ARHGEF10L: variants seen among roughly 807,000 people sequenced by gnomAD.
ARHGEF10L encodes rho guanine nucleotide exchange factor 10-like protein.
Under a neutral mutation model 141.2 loss-of-function variants are expected in ARHGEF10L, and 69 were observed. The observed-to-expected ratio is 0.49, with a 90% confidence interval of 0.40 to 0.60. The LOEUF (loss-of-function observed/expected upper bound fraction) is 0.60. ARHGEF10L is among the 20% of genes least tolerant of loss of function. The pLI, the probability that ARHGEF10L is intolerant of heterozygous loss-of-function variation, is 0.00. For missense variants in ARHGEF10L, 1,482 were observed against 1,734.3 expected (o/e 0.85, Z 2.58); for synonymous variants, 711 against 718.5 (o/e 0.99, Z 0.17).
chr1:17,548,725 T>C (rs1382592391), intron 1 of ARHGEF10L, among the ~76,000 whole-genome samples: 1 of 145,902 alleles, frequency 6.9e-6, no homozygotes, highest in Non-Finnish European at 1.5e-5. Flanking sequence ...CTTGGCTCAC[T>C]GCATCCTCTG....
At chr1:17,592,034 G>A (rs1277945943) in intron 4 of ARHGEF10L, among the ~76,000 whole-genome samples, 1 of 152,214 alleles carries the variant, frequency 6.6e-6, no homozygotes, top group African/African-American at 2.4e-5. Flanking sequence ...GAGGCCCACA[G>A]GGTTTGCTTC....
Position 17,654,740 on chromosome 1 carries a change from C to A in ARHGEF10L, c.2481+18C>A. 1 of 1,610,082 alleles carries A rather than the reference C, an allele frequency of 6.2e-7. No individual in the cohort carries two copies. Among genetic ancestry groups the A allele is most frequent in the Non-Finnish European group, 8.5e-7 (1 of 1,177,018 alleles). On this transcript the variant is annotated intron_variant, in intron 23 of 28. Transcript: ENST00000361221. This position sits in a 1 kb window ranked among gnomAD's most constrained non-coding sequence, Gnocchi z 4.3. ...ACCTCTGGGTGAGTCACCCCCCTGC[C>A]CAGCTGGGCATTCTGGCCTCAGGAC...
intron 21 of ARHGEF10L, 120 bp downstream of exon 21, chr1:17,640,422 T>A: frequency 1.2e-6 from 1 of 818,148 alleles, no homozygotes; most frequent in Non-Finnish European, 1.9e-6. Context: ...GGCTTCTGAG[T>A]GGGAGGGAGG....
intron 18 of ARHGEF10L, among the ~76,000 whole-genome samples, chr1:17,636,481 G>A (rs2061009150): frequency 6.6e-6 from 1 of 152,224 alleles, no homozygotes; most frequent in Non-Finnish European, 1.5e-5. Flanking sequence ...GGATGATGTT[G>A]TTTTGCTGAA....
chr1:17,606,119 G>T (rs1477851182), intron 6 of ARHGEF10L, among the ~76,000 whole-genome samples: 1 of 152,130 alleles, frequency 6.6e-6, no homozygotes, highest in Non-Finnish European at 1.5e-5. Context: ...ACGGCCTACT[G>T]CTCTCAGCCG....
At chr1:17,622,061 A>C in intron 11 of ARHGEF10L, 120 bp downstream of exon 11, 1 of 968,612 alleles carries the variant, frequency 1.0e-6, no homozygotes, top group Non-Finnish European at 1.6e-6. Flanking sequence ...ACCATAAGCC[A>C]GCACTGCTTT....
Position 17,638,762 on chromosome 1 carries a change from G to C in ARHGEF10L, c.2171+73G>C, listed in dbSNP as rs374874398. 1.2e-4 allele frequency: 196 copies of C among 1,591,678 alleles called. 2 individuals carry two copies. The East Asian group carries it at 3.5e-3, about 28-fold the overall frequency. On this transcript the variant is annotated intron_variant, in intron 20 of 28. Coordinates refer to ENST00000361221, the MANE Select transcript of ARHGEF10L (RefSeq NM_018125.4). ...TCCAGTGGAGCAGGGGATCCGGAGAGGGTACCTGGAGCCCTCTTATTTGTC... is the reference window on the plus strand; with the variant it reads ...TCCAGTGGAGCAGGGGATCCGGAGACGGTACCTGGAGCCCTCTTATTTGTC...
chr1:17,584,688 G>A (rs2078875193), intron 2 of ARHGEF10L, among the ~76,000 whole-genome samples: 1 of 152,202 alleles, frequency 6.6e-6, no homozygotes, highest in Non-Finnish European at 1.5e-5. Context: ...GGGAGAGCAG[G>A]AGAAGATACT....
At chr1:17,612,885 G>A (rs1199361281) in intron 7 of ARHGEF10L, among the ~76,000 whole-genome samples, 173 bp from the exon 8 acceptor site, 1 of 152,230 alleles carries the variant, frequency 6.6e-6, no homozygotes, top group African/African-American at 2.4e-5. Context: ...TTCCGGGCAG[G>A]ATCTGGCTGG....
Position 17,691,041 on chromosome 1 carries a change from CT to C in ARHGEF10L, c.3184+3295del, listed in dbSNP as rs532849354. 341 of 427,606 alleles carry C rather than the reference CT, an allele frequency of 8.0e-4. 2 individuals carry two copies. The highest frequency in any genetic ancestry group is 1.2e-3 in the Non-Finnish European group (262 of 216,130). 26.5% of individuals were successfully genotyped at this position (427,606 alleles called of 1,614,324 possible). On this transcript the variant is annotated intron_variant, in intron 27 of 28. Transcript: ENST00000361221. ...TAACAATTTATTGCACTTCCTTCCC[CT>C]GACCCCTTTCTTCCACTCGCATACT...
At chr1:17,691,206 T>G (rs1056990333) in intron 27 of ARHGEF10L, 10 of 436,946 alleles carry the variant, frequency 2.3e-5, no homozygotes, top group Non-Finnish European at 4.5e-5. Flanking sequence ...AGTTGAACAC[T>G]GCCGCATTAA....
At chr1:17,513,828 C>T in the ARHGEF10L span, among the ~76,000 whole-genome samples, 99 of 152,008 alleles carry the variant, frequency 6.5e-4, 2 homozygotes, top group East Asian at 0.014. Flanking sequence ...TTTTTTGAGA[C>T]GGAGTTTCGC....
intron 13 of ARHGEF10L, among the ~76,000 whole-genome samples, chr1:17,624,933 G>T (rs545582244): frequency 9.9e-5 from 15 of 152,184 alleles, no homozygotes; most frequent in African/African-American, 3.6e-4. Context: ...AAGGTTAAAG[G>T]CTTCGAAAAG....
At chr1:17,613,007 C>T (rs552063611) in intron 7 of ARHGEF10L, 51 bp from the exon 8 acceptor site, 11 of 1,278,908 alleles carry the variant, frequency 8.6e-6, no homozygotes, top group East Asian at 2.3e-5. Flanking sequence ...CTTCCTGTCC[C>T]GCCTGCTCCT....
At chr1:17,592,403 A>G (rs2079625632) in intron 4 of ARHGEF10L, among the ~76,000 whole-genome samples, 2 of 151,952 alleles carry the variant, frequency 1.3e-5, no homozygotes, top group South Asian at 4.2e-4. Context: ...GCTTTTCTGG[A>G]TAAGATGGTT....
chr1:17,601,062 A>ACAAAC (rs1307497350), intron 4 of ARHGEF10L, among the ~76,000 whole-genome samples: 1 of 147,878 alleles, frequency 6.8e-6, no homozygotes, highest in African/African-American at 2.6e-5. Context: ...AAAAAAAAAA[A>ACAAAC]AAAAAACAAA....
chr1:17,533,769 C>T, the ARHGEF10L span, among the ~76,000 whole-genome samples: 22 of 152,160 alleles, frequency 1.4e-4, no homozygotes, highest in Non-Finnish European at 2.2e-4. Flanking sequence ...TTGATGAGAC[C>T]GACTCTATCA....
chr1:17,637,331 C>G (rs1197054956), intron 18 of ARHGEF10L, among the ~76,000 whole-genome samples: 1 of 152,220 alleles, frequency 6.6e-6, no homozygotes, highest in Non-Finnish European at 1.5e-5. Flanking sequence ...CAGGCCCCTC[C>G]TCTCTCCCAG....
chr1:17,607,782 G>A lies in ARHGEF10L; in HGVS notation c.434-20G>A, dbSNP rs760227532. Reference sequence around the variant, plus strand: ...CTTGGCCTCAGGGCCTGGGCTCACCGGCTGCCGCTTGGCCAGCAGGGGCAG... The same window carrying A: ...CTTGGCCTCAGGGCCTGGGCTCACCAGCTGCCGCTTGGCCAGCAGGGGCAG... On this transcript the variant is annotated intron_variant, in intron 6 of 28. Coordinates refer to ENST00000361221, the MANE Select transcript of ARHGEF10L (RefSeq NM_018125.4). The surrounding 1 kb of genome is among the most constrained non-coding windows in gnomAD (Gnocchi z 4.5). 13 of 1,540,358 alleles carry A rather than the reference G, an allele frequency of 8.4e-6. No homozygotes were observed. Among genetic ancestry groups the A allele is most frequent in the South Asian group, 6.2e-5 (5 of 80,840 alleles).
Sources: allele counts gnomAD v4.1 joint callset (sites outside exome capture counted in the v4.1 genomes callset), GRCh38; gene constraint gnomAD v4.1.1; non-coding constraint Gnocchi (gnomAD v3.1); transcripts MANE v1.5; gene names NCBI Gene and HGNC (gene_info 2026-07-23, HGNC 2026-07-21).